Variants in RBPJ observed in about 807,000 individuals in gnomAD.
RBPJ encodes recombination signal binding protein for immunoglobulin kappa J region.
Under a neutral mutation model 67.8 loss-of-function variants are expected in RBPJ, and 9 were observed. The ratio of observed to expected loss-of-function variants is 0.13; its 90% CI spans 0.08 to 0.23. The LOEUF is 0.23. Among genes scored for constraint, RBPJ ranks in the 10% least tolerant of loss-of-function variants. The pLI is 1.00. For missense variants in RBPJ, 305 were observed against 595.6 expected, an observed-to-expected ratio of 0.51 and a Z score of 5.08; for synonymous variants, 198 against 203.3, an observed-to-expected ratio of 0.97 and a Z score of 0.22.
intron 1 of RBPJ, among the ~76,000 whole-genome samples, chr4:26,229,717 G>A (rs1719209060): frequency 6.6e-6 from 1 of 152,102 alleles, no homozygotes; most frequent in African/African-American, 2.4e-5. Flanking sequence ...ATTAATAATA[G>A]TTCCAATGTT....
chr4:26,251,899 A>G (rs961927557), intron 1 of RBPJ, among the ~76,000 whole-genome samples: 4 of 151,360 alleles, frequency 2.6e-5, no homozygotes. Context: ...AAAAAGACTC[A>G]GCCGCAATGG....
At chr4:26,377,858 C>G (rs2109585176) in intron 1 of RBPJ, among the ~76,000 whole-genome samples, 1 of 152,092 alleles carries the variant, frequency 6.6e-6, no homozygotes, top group East Asian at 1.9e-4. Flanking sequence ...TTTACCTAAG[C>G]CAAACTTAAT....
the RBPJ span, among the ~76,000 whole-genome samples, chr4:26,116,454 C>A: frequency 6.6e-6 from 1 of 152,164 alleles, no homozygotes; most frequent in Non-Finnish European, 1.5e-5. Flanking sequence ...CATTTTTTTC[C>A]CACCTGCTAT....
chr4:26,148,601 A>G, the RBPJ span, among the ~76,000 whole-genome samples: 1 of 152,222 alleles, frequency 6.6e-6, no homozygotes, highest in Non-Finnish European at 1.5e-5. Context: ...AAGTGTTTAA[A>G]GGAAAAGGAC....
chr4:26,184,446 G>A (rs1717151470), intron 1 of RBPJ, among the ~76,000 whole-genome samples: 1 of 152,136 alleles, frequency 6.6e-6, no homozygotes, highest in South Asian at 2.1e-4. Context: ...TGTCTTGATA[G>A]GATTTTTGCT....
chr4:26,223,021 G>A (rs1422666597), intron 1 of RBPJ, among the ~76,000 whole-genome samples: 2 of 151,920 alleles, frequency 1.3e-5, no homozygotes, highest in South Asian at 4.2e-4. Flanking sequence ...TGGGTGTGGT[G>A]GTGTGCACCT....
chr4:26,191,206 TATATAGAGAG>T (rs1425512114), intron 1 of RBPJ, among the ~76,000 whole-genome samples: 857 of 30,368 alleles, frequency 0.028, 11 homozygotes, highest in East Asian at 0.05. Flanking sequence ...TATATATATA[TATATAGAGAG>T]AGAGAGAGAG....
the RBPJ span, among the ~76,000 whole-genome samples, chr4:26,108,518 C>T: frequency 6.6e-6 from 1 of 152,216 alleles, no homozygotes. Flanking sequence ...TGAAAATAAA[C>T]CCTCACTCCA....
At position 26,428,794 on chromosome 4, in the gene RBPJ, A is replaced by T. The variant is rs1172664925; in HGVS notation, c.822A>T (p.Ala274=). The change falls in exon 8 of 11, where the codon GCA becomes GCT. Residue 274 remains alanine (A), a synonymous_variant. Coordinates refer to ENST00000355476, the MANE Select transcript of RBPJ (RefSeq NM_015874.6). ...CTGTGTCACAACTCCATAAATGTGC[A>T]TTTTACCTTAAGGATACAGAAAGAA... ...DDPVSQLHKC[A]FYLKDTERMY... 6.2e-7 allele frequency: 1 copy of T among 1,605,912 alleles called. No homozygotes were observed. Among genetic ancestry groups the T allele is most frequent in the African/African-American group, 1.3e-5 (1 of 74,864 alleles).
At chr4:26,247,551 C>T (rs572649121) in intron 1 of RBPJ, among the ~76,000 whole-genome samples, 3 of 152,198 alleles carry the variant, frequency 2.0e-5, no homozygotes, top group African/African-American at 2.4e-5. Flanking sequence ...GCTAGGATTA[C>T]AGGCATGCGC....
At chr4:26,319,351 C>A (rs1722792951), upstream of RBPJ, among the ~76,000 whole-genome samples, 2 of 152,190 alleles carry the variant, frequency 1.3e-5, no homozygotes, top group Non-Finnish European at 2.9e-5. Context: ...TTCCATCCAG[C>A]GTCACAGGGC....
chr4:26,222,041 C>T (rs1181127706), intron 1 of RBPJ, among the ~76,000 whole-genome samples: 1 of 152,182 alleles, frequency 6.6e-6, no homozygotes, highest in South Asian at 2.1e-4. Flanking sequence ...TCACTCTCCA[C>T]TTTGACGAGG....
At chr4:26,274,616 C>T (rs770732036) in intron 1 of RBPJ, among the ~76,000 whole-genome samples, 80 of 151,834 alleles carry the variant, frequency 5.3e-4, no homozygotes, top group Non-Finnish European at 4.4e-4. Context: ...GGTGATAGAG[C>T]GAGCGAGACC....
chr4:26,350,766 G>C (rs1430607779), intron 1 of RBPJ, among the ~76,000 whole-genome samples: 2 of 152,172 alleles, frequency 1.3e-5, no homozygotes, highest in Non-Finnish European at 2.9e-5. Flanking sequence ...TGATTCCCTG[G>C]TTTTTGGCCT....
At chr4:26,244,145 G>A (rs7680273) in intron 1 of RBPJ, among the ~76,000 whole-genome samples, 32,352 of 137,088 alleles carry the variant, frequency 0.24, 4,330 homozygotes, top group African/African-American at 0.25. Context: ...ATATATATGT[G>A]TACACATATA....
At position 26,243,437 on chromosome 4, in the gene RBPJ, C is replaced by G. The variant is rs112273195; in HGVS notation, c.-167+79823C>G. Among the ~76,000 whole-genome samples, 438 of 152,264 alleles carry G rather than the reference C, an allele frequency of 2.9e-3. 4 individuals carry two copies. Among genetic ancestry groups the G allele is most frequent in the African/African-American group, 0.01 (423 of 41,554 alleles). ...TAGAATTGTGGATTGCTTGTATCCACTATGGTGAGTTTGACACTTTCTCAG... is the reference window on the plus strand; with the variant it reads ...TAGAATTGTGGATTGCTTGTATCCAGTATGGTGAGTTTGACACTTTCTCAG... On this transcript the variant is annotated intron_variant, in intron 1 of 4. Coordinates refer to the RBPJ transcript ENST00000512351.
At chr4:26,232,093 A>G (rs1719310456) in intron 1 of RBPJ, among the ~76,000 whole-genome samples, 1 of 151,596 alleles carries the variant, frequency 6.6e-6, no homozygotes, top group Non-Finnish European at 1.5e-5. Flanking sequence ...ACGGGGTTTC[A>G]CCATGTTGGT....
intron 2 of RBPJ, among the ~76,000 whole-genome samples, chr4:26,386,856 T>A (rs1730967909): frequency 6.6e-6 from 1 of 152,202 alleles, no homozygotes; most frequent in Admixed American, 6.5e-5. Flanking sequence ...GTTGAAAGTA[T>A]TGGTCTTAAA....
At chr4:26,378,080 G>A (rs1290983077) in intron 1 of RBPJ, among the ~76,000 whole-genome samples, 1 of 152,010 alleles carries the variant, frequency 6.6e-6, no homozygotes, top group African/African-American at 2.4e-5. Flanking sequence ...TGTGTCCTTA[G>A]TCTCCTTTAA....
Sources: allele counts gnomAD v4.1 joint callset (sites outside exome capture counted in the v4.1 genomes callset), GRCh38; gene constraint gnomAD v4.1.1; transcripts MANE v1.5; gene names NCBI Gene and HGNC (gene_info 2026-07-23, HGNC 2026-07-21).